The following ROS1 variants were observed in gnomAD, a reference collection of about 807,000 sequenced individuals.
ROS1 encodes proto-oncogene tyrosine-protein kinase ROS.
ROS1 carries 263 observed loss-of-function variants against 273.5 expected under a neutral mutation model. The ratio of observed to expected loss-of-function variants is 0.96; its 90% CI spans 0.87 to 1.06. ROS1 has a LOEUF of 1.06. Ranked by LOEUF, ROS1 falls within the 50% of genes least tolerant of loss-of-function variation. ROS1 has a pLI of 0.00. For missense variants in ROS1, 2,833 were observed against 2,751.1 expected, an observed-to-expected ratio of 1.03 and a Z score of -0.67; for synonymous variants, 1,008 against 954.1, an observed-to-expected ratio of 1.06 and a Z score of -1.04.
intron 2 of ROS1, among the ~76,000 whole-genome samples, chr6:117,417,522 A>C (rs72969416): frequency 0.13 from 19,020 of 152,080 alleles, 1,306 homozygotes; most frequent in African/African-American, 0.16. Context: ...ACCTGGTTAC[A>C]CTCTTATCTA....
chr6:117,349,734 T>C (rs1292574616), intron 27 of ROS1, among the ~76,000 whole-genome samples: 1 of 152,028 alleles, frequency 6.6e-6, no homozygotes, highest in Admixed American at 6.6e-5. Flanking sequence ...GGGAATCAGT[T>C]ATACTTTTCT....
rs373335556 is a variant in ROS1 at position 117,362,669 on chromosome 6, A to G, written c.3300T>C (p.Asn1100=). 3.1e-6 allele frequency: 5 copies of G among 1,613,204 alleles called. No homozygotes were observed. In the African/African-American group the frequency reaches 5.3e-5, roughly 17 times the overall value. ...GAAAAGACATCACTGAGGGAGTGAC[A>G]TTGACAGCAATCCAGTCTTCACATG... ...NKTCEDWIAV[N]VTPSVMSFQL... is the part of the protein sequence containing the mutation. Residue 1100 remains asparagine (N), a synonymous_variant, in exon 22 of 44, where the codon AAT becomes AAC. Transcript: ENST00000368507.
intron 18 of ROS1, among the ~76,000 whole-genome samples, chr6:117,366,803 G>A: frequency 6.6e-6 from 1 of 152,054 alleles, no homozygotes; most frequent in Non-Finnish European, 1.5e-5. Context: ...CATGAGCACT[G>A]TGCTCTCTGG....
In ROS1 at chr6:117,425,809, T is replaced by C. The variant is rs1240182430; in HGVS notation, c.-153A>G. 7 of 750,796 alleles carry C rather than the reference T, an allele frequency of 9.3e-6. No individual in the cohort carries two copies. Among genetic ancestry groups the C allele is most frequent in the East Asian group, 2.8e-5 (1 of 36,022 alleles). 46.5% of individuals were successfully genotyped at this position (750,796 alleles called of 1,614,324 possible). A position where few individuals can be genotyped will look rare whatever the true frequency, so the allele number is the denominator to read the frequency against. On this transcript the variant is annotated 5_prime_UTR_variant, in exon 1 of 44. Transcript: ENST00000368507. The stretch of plus-strand genomic sequence containing the variant: ...ATTAGGATATACTTGCCTTTTGAAA[T>C]AATACTTAGCCTTTTTCATTTAGAC...
At chr6:117,320,636 C>T (rs1264616327) in intron 36 of ROS1, among the ~76,000 whole-genome samples, 2 of 152,148 alleles carry the variant, frequency 1.3e-5, no homozygotes. Context: ...GGAAAGTCAC[C>T]TCTAAACAGC....
At chr6:117,309,000 A>G (rs1775329480) in intron 41 of ROS1, 72 bp from the exon 42 acceptor site, 1 of 1,474,380 alleles carries the variant, frequency 6.8e-7, no homozygotes, top group Admixed American at 1.8e-5. Flanking sequence ...TTCTCCAACA[A>G]CATTTTTCCT....
intron 36 of ROS1, 151 bp from the exon 37 acceptor site, chr6:117,320,181 T>G (rs2128559712): frequency 1.5e-6 from 1 of 677,502 alleles, no homozygotes; most frequent in East Asian, 2.7e-5. Flanking sequence ...GATGTGGAAC[T>G]TTGGGTTCCT....
At chr6:117,336,539 T>C (rs990060810) in intron 32 of ROS1, among the ~76,000 whole-genome samples, 9 of 152,208 alleles carry the variant, frequency 5.9e-5, no homozygotes, top group Non-Finnish European at 1.0e-4. Context: ...TGCCATGGTG[T>C]ATATGTACCA....
rs751502071 is a variant in ROS1 at position 117,342,454 on chromosome 6, G to A, written c.4597C>T (p.Pro1533Ser). 1.2e-6 allele frequency: 2 copies of A among 1,610,190 alleles called. No homozygotes were observed. The highest frequency in any genetic ancestry group is 1.7e-6 in the Non-Finnish European group (2 of 1,177,976). ...QIAVKNYYSDPLEHLPPGKEI... is the reference protein window; with the variant it reads ...QIAVKNYYSDSLEHLPPGKEI... The stretch of plus-strand genomic sequence containing the variant: ...TTTCCTGGTGGTAAATGTTCCAAAG[G>A]ATCTGAATAATAATTTTTTACAGCT... Residue 1533 changes from proline to serine, a missense_variant, in exon 29 of 44, where the codon CCT (proline) becomes TCT (serine). Physicochemically the swap from Pro to Ser is moderately conservative, Grantham distance 74. Coordinates refer to ENST00000368507, the MANE Select transcript of ROS1 (RefSeq NM_001378902.1).
intron 18 of ROS1, among the ~76,000 whole-genome samples, chr6:117,370,921 T>C (rs1429731472): frequency 6.6e-6 from 1 of 152,146 alleles, no homozygotes; most frequent in East Asian, 1.9e-4. Context: ...AATCCAAACA[T>C]ATTGATAATT....
Position 117,311,093 on chromosome 6 carries a change from C to T in ROS1, c.6142G>A (p.Val2048Ile), listed in dbSNP as rs201894511. The T allele has an allele frequency of 2.0e-4, 319 of 1,607,470 alleles. No individual in the cohort carries two copies. Among genetic ancestry groups the T allele is most frequent in the Non-Finnish European group, 2.6e-4 (307 of 1,177,088 alleles). The stretch of plus-strand genomic sequence containing the variant: ...TCTACACACAGGTCTACAAGGTCAA[C>T]CAAGGTGAGTAAAGGACCATAAAAC... Reference protein sequence around the residue: ...ATFYGPLLTLVDLVDLCVDIS... With the variant: ...ATFYGPLLTLIDLVDLCVDIS... The change falls in exon 40 of 44, where the codon GTT becomes ATT. Residue 2048 changes from valine (V) to isoleucine (I), a missense_variant. Physicochemically the swap from Val to Ile is conservative, Grantham distance 29 (BLOSUM62 3). Transcript: ENST00000368507.
intron 1 of ROS1, among the ~76,000 whole-genome samples, chr6:117,424,011 C>A (rs1390069682): frequency 1.3e-5 from 2 of 151,384 alleles, no homozygotes; most frequent in Non-Finnish European, 2.9e-5. Context: ...GGCAACTCAA[C>A]AAAGGAACAA....
In ROS1 at chr6:117,365,164, A is replaced by G; in HGVS notation, c.2999T>C (p.Val1000Ala). ...SEQHSLPVFTVEGLEPYALFN... is the reference protein window; with the variant it reads ...SEQHSLPVFTAEGLEPYALFN... The stretch of plus-strand genomic sequence containing the variant: ...TAAGGCATAAGGTTCCAGTCCTTCC[A>G]CAGTAAATACAGGTAAAGAGTGTTG... Residue 1000 changes from valine to alanine, a missense_variant, in exon 21 of 44, where the codon GTG (valine) becomes GCG (alanine). By Grantham distance (64) the Val-to-Ala change is moderately conservative. Transcript: ENST00000368507. 6.2e-7 allele frequency: 1 copy of G among 1,612,624 alleles called. No homozygotes were observed. Among genetic ancestry groups the G allele is most frequent in the South Asian group, 1.1e-5 (1 of 91,016 alleles).
intron 38 of ROS1, among the ~76,000 whole-genome samples, chr6:117,317,794 A>G (rs1438972563): frequency 1.3e-5 from 2 of 152,086 alleles, no homozygotes; most frequent in Non-Finnish European, 2.9e-5. Flanking sequence ...CACAAACTCA[A>G]ACTGATAGAC....
intron 27 of ROS1, among the ~76,000 whole-genome samples, chr6:117,345,425 G>A (rs1385595030): frequency 6.6e-6 from 1 of 152,164 alleles, no homozygotes; most frequent in Non-Finnish European, 1.5e-5. Context: ...TTTGGTTTTG[G>A]TTTTCTTTTG....
At chr6:117,307,437 G>A (rs1775190751) in intron 42 of ROS1, among the ~76,000 whole-genome samples, 2 of 152,116 alleles carry the variant, frequency 1.3e-5, no homozygotes, top group Non-Finnish European at 2.9e-5. Flanking sequence ...GCAAAACAGT[G>A]ATTAGTTTGT....
At chr6:117,390,129 G>T (rs748213835) in intron 12 of ROS1, among the ~76,000 whole-genome samples, 8 of 152,006 alleles carry the variant, frequency 5.3e-5, no homozygotes, top group Admixed American at 5.2e-4. Context: ...AAACAGGAAG[G>T]GTCTTTTATT....
At chr6:117,303,237 G>C (rs1774868542) in intron 42 of ROS1, among the ~76,000 whole-genome samples, 1 of 152,142 alleles carries the variant, frequency 6.6e-6, no homozygotes, top group South Asian at 2.1e-4. Context: ...TAAAGAAACA[G>C]ATTGGGAGGT....
rs2071974 is a variant in ROS1 at position 117,319,853 on chromosome 6, G to A, written c.5922+15C>T. The A allele has an allele frequency of 8.6e-3, 13,782 of 1,609,638 alleles. 414 individuals are homozygous for A. Among genetic ancestry groups the A allele is most frequent in the Admixed American group, 0.065 (3,871 of 59,846 alleles). On this transcript the variant is annotated intron_variant, in intron 37 of 43. Coordinates refer to ENST00000368507, the MANE Select transcript of ROS1 (RefSeq NM_001378902.1). Reference sequence around the variant, plus strand: ...GGTGATATAATGTGTCAAGGAGTTCGAAGATTCACATTACCTTCACTGCTA... The same window carrying A: ...GGTGATATAATGTGTCAAGGAGTTCAAAGATTCACATTACCTTCACTGCTA...
Sources: gnomAD v4.1 joint callset for allele counts (sites outside exome capture counted in the v4.1 genomes callset) on GRCh38, gnomAD v4.1.1 for gene constraint, MANE v1.5 for transcripts, NCBI Gene and HGNC (gene_info 2026-07-23, HGNC 2026-07-21) for gene names.